PCDH9: variants seen among roughly 807,000 people sequenced by gnomAD.
The protein encoded by PCDH9 is protocadherin 9.
Under a neutral mutation model 70.6 loss-of-function variants are expected in PCDH9, and 24 were observed. That is an observed-to-expected ratio of 0.34 (90% CI 0.25 to 0.48). PCDH9 has a LOEUF of 0.48. Among genes scored for constraint, PCDH9 ranks in the 20% least tolerant of loss-of-function variants. The pLI is 0.99. For synonymous variants in PCDH9, 562 were observed against 558.5 expected, an observed-to-expected ratio of 1.01 and a Z score of -0.09; for missense variants, 1,281 against 1,503.6, an observed-to-expected ratio of 0.85 and a Z score of 2.45.
At chr13:66,704,324 G>GAT in intron 3 of PCDH9, among the ~76,000 whole-genome samples, 1 of 152,260 alleles carries the variant, frequency 6.6e-6, no homozygotes, top group East Asian at 1.9e-4. Context: ...AAACTGATGT[G>GAT]ATATATGTGA....
chr13:66,563,498 C>A (rs1313449763), intron 4 of PCDH9, among the ~76,000 whole-genome samples: 3 of 152,140 alleles, frequency 2.0e-5, no homozygotes, highest in African/African-American at 7.2e-5. Flanking sequence ...CTTTTCCCTG[C>A]TTTAAACTTC....
At chr13:66,597,616 C>T (rs1474831442) in intron 4 of PCDH9, among the ~76,000 whole-genome samples, 1 of 151,684 alleles carries the variant, frequency 6.6e-6, no homozygotes, top group Non-Finnish European at 1.5e-5. Flanking sequence ...AGACCCGAAA[C>T]CATAAAACTC....
chr13:66,663,670 T>C (rs1354010090), intron 3 of PCDH9, among the ~76,000 whole-genome samples: 1 of 152,320 alleles, frequency 6.6e-6, no homozygotes, highest in East Asian at 1.9e-4. Flanking sequence ...CATGGAGAGA[T>C]TCTCGATATA....
chr13:67,117,470 T>C (rs2086800509), intron 2 of PCDH9, among the ~76,000 whole-genome samples: 1 of 152,060 alleles, frequency 6.6e-6, no homozygotes, highest in South Asian at 2.1e-4. Flanking sequence ...TGTGATGAGT[T>C]CTAAATATAA....
At chr13:66,758,390 T>C (rs542832422) in intron 3 of PCDH9, among the ~76,000 whole-genome samples, 32 of 152,180 alleles carry the variant, frequency 2.1e-4, no homozygotes, top group Non-Finnish European at 3.8e-4. Context: ...ACCATTTTAC[T>C]CTCTTTTTCT....
chr13:67,057,627 ATTGACT>A (rs1335528970), intron 2 of PCDH9, among the ~76,000 whole-genome samples: 1 of 152,084 alleles, frequency 6.6e-6, no homozygotes, highest in Non-Finnish European at 1.5e-5. Context: ...TATAATAAAG[ATTGACT>A]TTGAATTCAG....
rs190542711 is a variant in PCDH9 at position 66,381,947 on chromosome 13, A to G, written c.3341-76919T>C. Among the ~76,000 whole-genome samples, 10 of 152,190 alleles carry G rather than the reference A, an allele frequency of 6.6e-5. No homozygotes were observed. In the East Asian group the frequency reaches 1.9e-3, roughly 29 times the overall value. On this transcript the variant is annotated intron_variant, in intron 4 of 4. Transcript: ENST00000377865. ...GCCATCTATACCAAGGGCAAGCTCA[A>G]TGTGATAAGGGATGTGTAAGAGTAG...
chr13:66,616,484 C>CTATTTTTTT (rs2077357397), intron 4 of PCDH9, among the ~76,000 whole-genome samples: 1 of 116,672 alleles, frequency 8.6e-6, no homozygotes, highest in African/African-American at 3.2e-5. Flanking sequence ...TTCTAAAATT[C>CTATTTTTTT]TTTTTTTTTT....
At chr13:66,944,478 T>C (rs2083055477) in intron 2 of PCDH9, among the ~76,000 whole-genome samples, 1 of 152,208 alleles carries the variant, frequency 6.6e-6, no homozygotes, top group Admixed American at 6.5e-5. Flanking sequence ...CTTTACCTTA[T>C]TCAGTTTTTA....
At chr13:67,010,463 C>T (rs1015363918) in intron 2 of PCDH9, among the ~76,000 whole-genome samples, 2 of 151,976 alleles carry the variant, frequency 1.3e-5, no homozygotes, top group Non-Finnish European at 2.9e-5. Context: ...CACTTAGCTA[C>T]AGCACAACAG....
At chr13:66,604,146 C>A (rs375776398) in intron 4 of PCDH9, among the ~76,000 whole-genome samples, 187 of 152,136 alleles carry the variant, frequency 1.2e-3, no homozygotes, top group African/African-American at 4.3e-3. Flanking sequence ...CAGATTTCCC[C>A]TTGCTCACAC....
At chr13:66,872,801 T>C (rs2139512941) in intron 3 of PCDH9, among the ~76,000 whole-genome samples, 1 of 152,238 alleles carries the variant, frequency 6.6e-6, no homozygotes, top group Non-Finnish European at 1.5e-5. Context: ...CCTCTACTTC[T>C]CCCTCTAGTT....
intron 4 of PCDH9, among the ~76,000 whole-genome samples, chr13:66,498,720 A>T (rs1959155332): frequency 6.6e-6 from 1 of 151,926 alleles, no homozygotes; most frequent in Non-Finnish European, 1.5e-5. Context: ...TCCTGAAAAA[A>T]TTTTTTTTTA....
At chr13:66,743,629 C>G (rs964166727) in intron 3 of PCDH9, among the ~76,000 whole-genome samples, 7 of 151,886 alleles carry the variant, frequency 4.6e-5, no homozygotes, top group African/African-American at 1.7e-4. Context: ...TCAAAAATTG[C>G]TAAGAGAGTA....
chr13:67,047,597 A>C (rs1169718675), intron 2 of PCDH9, among the ~76,000 whole-genome samples: 1 of 152,150 alleles, frequency 6.6e-6, no homozygotes, highest in Non-Finnish European at 1.5e-5. Context: ...TCACCATGAG[A>C]CATTCTTGAT....
intron 4 of PCDH9, among the ~76,000 whole-genome samples, chr13:66,397,503 C>A (rs913187273): frequency 1.3e-5 from 2 of 150,226 alleles, no homozygotes; most frequent in Admixed American, 6.7e-5. Flanking sequence ...TATACACACA[C>A]AAAATGTATG....
At chr13:66,768,007 G>A (rs989279751) in intron 3 of PCDH9, among the ~76,000 whole-genome samples, 19 of 152,030 alleles carry the variant, frequency 1.2e-4, no homozygotes, top group Non-Finnish European at 1.8e-4. Flanking sequence ...CAATTCTTCC[G>A]TGGAAAAGAT....
At chr13:66,538,985 CAT>C (rs557260717) in intron 4 of PCDH9, among the ~76,000 whole-genome samples, 152 of 152,106 alleles carry the variant, frequency 1.0e-3, no homozygotes, top group Non-Finnish European at 2.0e-3. Context: ...TATATATACA[CAT>C]GTCTACATTA....
intron 4 of PCDH9, among the ~76,000 whole-genome samples, chr13:66,327,844 C>A (rs1202990187): frequency 6.6e-6 from 1 of 152,038 alleles, no homozygotes; most frequent in East Asian, 1.9e-4. Flanking sequence ...CAATGCATCC[C>A]AATTCTTATA....
Sources: gnomAD v4.1 joint callset for allele counts (sites outside exome capture counted in the v4.1 genomes callset) on GRCh38, gnomAD v4.1.1 for gene constraint, MANE v1.5 for transcripts, NCBI Gene and HGNC (gene_info 2026-07-23, HGNC 2026-07-21) for gene names.